Variants in NUP205 observed in about 807,000 individuals in gnomAD.
NUP205 encodes nuclear pore complex protein Nup205.
In NUP205, 76 loss-of-function variants were observed where a neutral mutation model predicts 253.8. That is an observed-to-expected ratio of 0.30 (90% CI 0.25 to 0.36). The LOEUF (loss-of-function observed/expected upper bound fraction) is 0.36. Among genes scored for constraint, NUP205 ranks in the 10% least tolerant of loss-of-function variants. NUP205 has a pLI of 1.00. For missense variants in NUP205, 2,162 were observed against 2,425.5 expected, an observed-to-expected ratio of 0.89 and a Z score of 2.28; for synonymous variants, 832 against 850.1, an observed-to-expected ratio of 0.98 and a Z score of 0.37.
chr7:135,587,747 C>G (rs1250741837), intron 9 of NUP205, 56 bp downstream of exon 9: 5 of 1,528,470 alleles, frequency 3.3e-6, no homozygotes, highest in Non-Finnish European at 4.4e-6. Flanking sequence ...TATTTTTTCC[C>G]CTAACTTTGG....
intron 7 of NUP205, 133 bp downstream of exon 7, chr7:135,579,048 C>T (rs1806231001): frequency 1.7e-6 from 1 of 593,546 alleles, no homozygotes; most frequent in Non-Finnish European, 2.7e-6. Context: ...TTAAATGAAA[C>T]CTTTAGTGTA....
chr7:135,619,657 T>G lies in NUP205; in HGVS notation c.4198T>G (p.Leu1400Val), dbSNP rs774614696. ...TGGAGATTCTTCACTTTACATCATA[T>G]TGAAGAAACTGTTAGACTTCATTTT... ...SIGDSSLYII[L>V]KKLLDFILKT... Residue 1400 changes from leucine (L) to valine (V), a missense_variant, in exon 29 of 43, where the codon TTG becomes GTG. Leu to Val is a conservative substitution (Grantham distance 32). Around this residue, in one of 5 missense-constraint regions of NUP205, gnomAD observed 1,144 missense variants for 1,280.9 expected, o/e 0.89. Coordinates refer to ENST00000285968, the MANE Select transcript of NUP205 (RefSeq NM_015135.3). The G allele has an allele frequency of 1.2e-6, 2 of 1,613,826 alleles. No homozygotes were observed. The highest frequency in any genetic ancestry group is 1.7e-6 in the Non-Finnish European group (2 of 1,179,714).
chr7:135,606,347 C>T, intron 20 of NUP205, 121 bp downstream of exon 20: 1 of 717,540 alleles, frequency 1.4e-6, no homozygotes, highest in Non-Finnish European at 2.4e-6. Flanking sequence ...TGAGAATTTG[C>T]TAGAATACAG....
intron 38 of NUP205, among the ~76,000 whole-genome samples, chr7:135,641,997 G>A (rs934625428): frequency 2.0e-5 from 3 of 151,944 alleles, no homozygotes; most frequent in African/African-American, 7.3e-5. Flanking sequence ...GCTCGTGCCT[G>A]TAATCCCAGC....
chr7:135,563,473 C>CCACT (rs1805652798), intron 1 of NUP205, among the ~76,000 whole-genome samples: 1 of 152,048 alleles, frequency 6.6e-6, no homozygotes, highest in African/African-American at 2.4e-5. Context: ...CAGGCGTGAG[C>CCACT]CACTGTGCCC....
intron 23 of NUP205, among the ~76,000 whole-genome samples, chr7:135,615,256 G>A (rs1013155611): frequency 9.2e-5 from 14 of 151,934 alleles, no homozygotes; most frequent in African/African-American, 3.1e-4. Flanking sequence ...AAATAGTATT[G>A]GATTAAAAAA....
At position 135,618,649 on chromosome 7, in the gene NUP205, A is replaced by G. The variant is rs202012841; in HGVS notation, c.3963+46A>G. 238 of 1,438,058 alleles carry G rather than the reference A, an allele frequency of 1.7e-4. 2 individuals are homozygous for G. In the Admixed American group the frequency reaches 5.2e-3, roughly 32 times the overall value. The allele number at this position is 1,438,058 out of a possible 1,614,324, so 89.1% of individuals were successfully genotyped here. ...CTTTATACTGCTGAACGAATGTATC[A>G]TTTAAACAAATATATTTTGGCATCC... On this transcript the variant is annotated intron_variant, in intron 28 of 42. Transcript: ENST00000285968.
intron 8 of NUP205, 47 bp from the exon 9 acceptor site, chr7:135,587,528 T>G (rs1264432535): frequency 2.7e-6 from 3 of 1,095,890 alleles, no homozygotes; most frequent in South Asian, 1.6e-5. Flanking sequence ...ATTATTAGCA[T>G]GTACAATACA....
chr7:135,604,519 G>A, intron 19 of NUP205, 59 bp downstream of exon 19: 1 of 1,488,346 alleles, frequency 6.7e-7, no homozygotes, highest in South Asian at 1.3e-5. Context: ...GACTATATAT[G>A]GAAGTTCTAG....
chr7:135,606,078 A>G, intron 19 of NUP205, 67 bp from the exon 20 acceptor site: 1 of 1,036,296 alleles, frequency 9.6e-7, no homozygotes, highest in Admixed American at 1.8e-5. Flanking sequence ...ACATATATCA[A>G]TCATAGTTTT....
At chr7:135,605,143 C>T (rs1450424347) in intron 19 of NUP205, among the ~76,000 whole-genome samples, 1 of 152,094 alleles carries the variant, frequency 6.6e-6, no homozygotes, top group Non-Finnish European at 1.5e-5. Flanking sequence ...GCAGCCTCTG[C>T]CCCTGGGCTC....
intron 35 of NUP205, among the ~76,000 whole-genome samples, chr7:135,633,917 G>T (rs1313651139): frequency 6.6e-6 from 1 of 152,158 alleles, no homozygotes. Flanking sequence ...GTTCAGCCCT[G>T]TATTATCCTA....
chr7:135,647,609 C>A (rs1473435745), intron 42 of NUP205, among the ~76,000 whole-genome samples: 2 of 152,178 alleles, frequency 1.3e-5, no homozygotes, highest in Admixed American at 1.3e-4. Context: ...AGCCTCAACC[C>A]CCTGGGCTCA....
intron 35 of NUP205, among the ~76,000 whole-genome samples, chr7:135,630,929 T>C (rs1178675684): frequency 1.3e-5 from 2 of 148,544 alleles, no homozygotes; most frequent in South Asian, 2.2e-4. Flanking sequence ...CCGTCTCTGT[T>C]TTGTTTTGTT....
intron 8 of NUP205, among the ~76,000 whole-genome samples, chr7:135,586,574 C>T (rs537816540): frequency 2.0e-5 from 3 of 152,064 alleles, no homozygotes; most frequent in African/African-American, 4.8e-5. Flanking sequence ...ATACATTTAC[C>T]TCCAATCACT....
intron 1 of NUP205, among the ~76,000 whole-genome samples, chr7:135,568,763 T>C (rs1270968475): frequency 2.0e-5 from 3 of 152,224 alleles, no homozygotes; most frequent in African/African-American, 7.2e-5. Context: ...ATCTTGCTAC[T>C]GCTCTGAATT....
chr7:135,603,105 C>G (rs1460822391), intron 18 of NUP205, 111 bp downstream of exon 18: 1 of 546,620 alleles, frequency 1.8e-6, no homozygotes, highest in Non-Finnish European at 3.0e-6. Context: ...ATTTTTGCCT[C>G]ATTTTACTTT....
Position 135,616,037 on chromosome 7 carries a change from G to GGAT in NUP205, c.3435_3437dup (p.Asp1146dup), listed in dbSNP as rs776092230. The GGAT allele has an allele frequency of 1.2e-6, 2 of 1,613,410 alleles. No individual in the cohort carries two copies. ...CCCAGAGGCTCCTACACCTCTTACT[G>GGAT]GATGACATGCCAGTGAAACCATACT... On this transcript the variant is annotated inframe_insertion, in exon 24 of 43. Transcript: ENST00000285968.
intron 33 of NUP205, among the ~76,000 whole-genome samples, chr7:135,626,820 C>G (rs558752172): frequency 6.6e-6 from 1 of 152,034 alleles, no homozygotes; most frequent in Non-Finnish European, 1.5e-5. Flanking sequence ...GTTTCACATT[C>G]GATTTGAATG....
Sources: allele counts gnomAD v4.1 joint callset (sites outside exome capture counted in the v4.1 genomes callset), GRCh38; gene constraint gnomAD v4.1.1; regional missense constraint gnomAD v4.1.1; transcripts MANE v1.5; gene names NCBI Gene and HGNC (gene_info 2026-07-23, HGNC 2026-07-21).